The following QPRT variants were observed in gnomAD, a reference collection of about 807,000 sequenced individuals.
QPRT encodes the protein quinolinate phosphoribosyltransferase, also known as nicotinate-nucleotide pyrophosphorylase [carboxylating].
QPRT carries 17 observed loss-of-function variants against 19.8 expected under a neutral mutation model. That is an observed-to-expected ratio of 0.86 (90% CI 0.59 to 1.29). The LOEUF is 1.29. QPRT is among the 50% of genes most tolerant of loss of function. The pLI is 0.00. For missense variants in QPRT, 336 were observed against 405.1 expected, an observed-to-expected ratio of 0.83 and a Z score of 1.46; for synonymous variants, 178 against 191.0, an observed-to-expected ratio of 0.93 and a Z score of 0.56.
intron 1 of QPRT, among the ~76,000 whole-genome samples, chr16:29,684,627 G>A (rs745383149): frequency 1.3e-4 from 20 of 152,096 alleles, no homozygotes; most frequent in East Asian, 3.9e-4. Flanking sequence ...GATTACAGGC[G>A]TGAGCCACCG....
intron 1 of QPRT, among the ~76,000 whole-genome samples, chr16:29,689,047 C>G (rs903798824): frequency 6.6e-6 from 1 of 152,114 alleles, no homozygotes; most frequent in African/African-American, 2.4e-5. Context: ...TCCCAAAGTG[C>G]TGGGATTACA....
intron 1 of QPRT, among the ~76,000 whole-genome samples, chr16:29,688,833 T>G (rs1482682425): frequency 6.6e-6 from 1 of 150,464 alleles, no homozygotes; most frequent in Non-Finnish European, 1.5e-5. Flanking sequence ...CAGGCTGGAG[T>G]GCAATGGCGC....
intron 1 of QPRT, among the ~76,000 whole-genome samples, chr16:29,684,796 A>G (rs1198589891): frequency 6.6e-6 from 1 of 152,186 alleles, no homozygotes; most frequent in African/African-American, 2.4e-5. Flanking sequence ...CTGTTTCACC[A>G]GGCCACGATT....
chr16:29,688,135 C>T (rs1967215579), intron 1 of QPRT, among the ~76,000 whole-genome samples: 1 of 151,986 alleles, frequency 6.6e-6, no homozygotes. Flanking sequence ...CAGAACTGGG[C>T]TGAACTCTAC....
Position 29,698,131 on chromosome 16 carries a change from C to T in QPRT, c.*720C>T, listed in dbSNP as rs1967608108. ...CTTCATGCACCCAACCTGTACCAAA[C>T]ACCAGCATGGCCTGGCTGTGAGTGC... On this transcript the variant is annotated 3_prime_UTR_variant, in exon 4 of 4. Coordinates refer to ENST00000395384, the MANE Select transcript of QPRT (RefSeq NM_014298.6). The T allele has an allele frequency of 6.6e-6, 1 of 152,306 alleles. No homozygotes were observed. The highest frequency in any genetic ancestry group is 1.5e-5 in the Non-Finnish European group (1 of 68,156). The allele number at this position is 152,306 out of a possible 1,614,324, so 9.4% of individuals were successfully genotyped here.
At chr16:29,688,441 G>A (rs1967226421) in intron 1 of QPRT, among the ~76,000 whole-genome samples, 1 of 152,136 alleles carries the variant, frequency 6.6e-6, no homozygotes, top group Non-Finnish European at 1.5e-5. Flanking sequence ...AACTGGAAAA[G>A]AGCTGAGGGA....
At chr16:29,684,529 A>G (rs1967105563) in intron 1 of QPRT, among the ~76,000 whole-genome samples, 1 of 151,874 alleles carries the variant, frequency 6.6e-6, no homozygotes, top group African/African-American at 2.4e-5. Flanking sequence ...TTGTATTTTT[A>G]GTAGAGACGG....
chr16:29,693,497 G>A (rs1032993809), intron 1 of QPRT, among the ~76,000 whole-genome samples: 20 of 151,876 alleles, frequency 1.3e-4, no homozygotes, highest in Non-Finnish European at 2.6e-4. Context: ...GACCTCAGGT[G>A]ATCCACCTGC....
At position 29,698,585 on chromosome 16, in the gene QPRT, A is replaced by G. The variant is rs1967624358; in HGVS notation, c.*1174A>G. Reference sequence around the variant, plus strand: ...GAGATATCATGACCCTTTCACGTGGACCCCTTAGAGTTGTAAGCCTTTAAA... The same window carrying G: ...GAGATATCATGACCCTTTCACGTGGGCCCCTTAGAGTTGTAAGCCTTTAAA... On this transcript the variant is annotated 3_prime_UTR_variant, in exon 4 of 4. Transcript: ENST00000395384. 6.6e-6 allele frequency: 1 copy of G among 152,294 alleles called. No homozygotes were observed. Among genetic ancestry groups the G allele is most frequent in the South Asian group, 2.1e-4 (1 of 4,812 alleles). The allele number at this position is 152,294 out of a possible 1,614,324, so 9.4% of individuals were successfully genotyped here.
At chr16:29,688,721 T>C (rs1967233949) in intron 1 of QPRT, among the ~76,000 whole-genome samples, 2 of 151,510 alleles carry the variant, frequency 1.3e-5, no homozygotes, top group Middle Eastern at 3.4e-3. Context: ...GGTTTTGCCA[T>C]GTTGGACAGG....
Position 29,694,918 on chromosome 16 carries a change from G to A in QPRT, c.268G>A (p.Val90Ile), listed in dbSNP as rs757915160. Residue 90 changes from valine to isoleucine, a missense_variant, in exon 2 of 4, where the codon GTC (valine) becomes ATC (isoleucine). Coordinates refer to ENST00000395384, the MANE Select transcript of QPRT (RefSeq NM_014298.6). Reference sequence around the variant, plus strand: ...GGTGCCGGTGGCCAGAGTGGCCGAGGTCCGGGGCCCTGCCCACTGCCTGCT... The same window carrying A: ...GGTGCCGGTGGCCAGAGTGGCCGAGATCCGGGGCCCTGCCCACTGCCTGCT... ...KLVPVARVAE[V>I]RGPAHCLLLG... 2 of 1,613,626 alleles carry A rather than the reference G, an allele frequency of 1.2e-6. No homozygotes were observed. Among genetic ancestry groups the A allele is most frequent in the Non-Finnish European group, 8.5e-7 (1 of 1,179,870 alleles).
intron 1 of QPRT, among the ~76,000 whole-genome samples, chr16:29,693,881 C>T (rs527696669): frequency 1.6e-4 from 24 of 152,126 alleles, no homozygotes; most frequent in African/African-American, 1.4e-4. Flanking sequence ...TGAGCCACCG[C>T]GCCTGGCCAG....
chr16:29,684,471 T>A (rs1332443004), intron 1 of QPRT, among the ~76,000 whole-genome samples: 1 of 152,032 alleles, frequency 6.6e-6, no homozygotes. Flanking sequence ...AATTTTTGTA[T>A]TTTTAGTAGA....
intron 1 of QPRT, among the ~76,000 whole-genome samples, chr16:29,685,309 A>C (rs1292252055): frequency 6.6e-6 from 1 of 151,940 alleles, no homozygotes; most frequent in Non-Finnish European, 1.5e-5. Context: ...CCATCTCTAC[A>C]AAAATACAAA....
At chr16:29,679,485 G>A (rs1342187544) in intron 1 of QPRT, among the ~76,000 whole-genome samples, 1 of 152,164 alleles carries the variant, frequency 6.6e-6, no homozygotes, top group Non-Finnish European at 1.5e-5. Context: ...GCCTGGAGGA[G>A]GTGGCGTCTC....
intron 1 of QPRT, among the ~76,000 whole-genome samples, chr16:29,692,718 C>G (rs1245719427): frequency 6.6e-6 from 1 of 152,036 alleles, no homozygotes; most frequent in East Asian, 1.9e-4. Flanking sequence ...CCACTGCAGG[C>G]GCCACAGTGG....
chr16:29,693,330 T>C (rs1967409460), intron 1 of QPRT, among the ~76,000 whole-genome samples: 1 of 152,052 alleles, frequency 6.6e-6, no homozygotes, highest in South Asian at 2.1e-4. Context: ...TGGAGTGCAG[T>C]GGCACGATCT....
In QPRT at chr16:29,698,074, G is replaced by C. The variant is rs1362202952; in HGVS notation, c.*663G>C. The C allele has an allele frequency of 6.6e-6, 1 of 152,312 alleles. No homozygotes were observed. Among genetic ancestry groups the C allele is most frequent in the Non-Finnish European group, 1.5e-5 (1 of 68,188 alleles). 9.4% of individuals were successfully genotyped at this position (152,312 alleles called of 1,614,324 possible). ...GATGGAAAGAAAGGAAGAAAGGCAG[G>C]CAAAAGCCCCAGACAGGCCAAAACC... On this transcript the variant is annotated 3_prime_UTR_variant, in exon 4 of 4. Coordinates refer to ENST00000395384, the MANE Select transcript of QPRT (RefSeq NM_014298.6).
At position 29,694,784 on chromosome 16, in the gene QPRT, C is replaced by T. The variant is rs1466544609; in HGVS notation, c.134C>T (p.Ala45Val). ...AGCGGGGCAGGCCCCTCGCAGGCGGCGCTGTGGGCCAAATCCCCTGGGGTA... is the reference window on the plus strand; with the variant it reads ...AGCGGGGCAGGCCCCTCGCAGGCGGTGCTGTGGGCCAAATCCCCTGGGGTA... The part of the protein sequence containing the change: ...LVSGAGPSQA[A>V]LWAKSPGVLA... The change falls in exon 2 of 4, where the codon GCG becomes GTG. Residue 45 changes from alanine (A) to valine (V), a missense_variant. Transcript: ENST00000395384. 8.1e-6 allele frequency: 13 copies of T among 1,613,870 alleles called. No individual in the cohort carries two copies. Among genetic ancestry groups the T allele is most frequent in the Admixed American group, 1.7e-5 (1 of 60,022 alleles).
Sources: gnomAD v4.1 joint callset for allele counts (sites outside exome capture counted in the v4.1 genomes callset) on GRCh38, gnomAD v4.1.1 for gene constraint, MANE v1.5 for transcripts, NCBI Gene and HGNC (gene_info 2026-07-23, HGNC 2026-07-21) for gene names.